The following SURF2 variants were observed in gnomAD, a reference collection of about 807,000 sequenced individuals.
The protein encoded by SURF2 is surfeit locus protein 2.
SURF2 carries 32 observed loss-of-function variants against 26.2 expected under a neutral mutation model. That is an observed-to-expected ratio of 1.22 (90% confidence interval 0.92 to 1.64). The LOEUF is 1.64. Ranked by LOEUF, SURF2 falls within the 40% of genes most tolerant of loss-of-function variation. The pLI is 0.00. For synonymous variants in SURF2, 173 were observed against 139.1 expected (o/e 1.24, Z -1.71); for missense variants, 415 against 341.6 (o/e 1.21, Z -1.69).
chr9:133,360,091 G>A lies in SURF2; in HGVS notation c.479G>A (p.Gly160Glu), dbSNP rs1364910711. The change falls in exon 4 of 6, where the codon GGA (glycine) becomes GAA (glutamate). Residue 160 changes from glycine (G) to glutamate (E), a missense_variant. Gly to Glu is a moderately conservative substitution (Grantham distance 98). Transcript: ENST00000371964. ...GAGCCCACATCCAGTGATGAGGGGG[G>A]AGCTGCAAGTGATGACAGCATGACA... Reference protein sequence around the residue: ...FWEPTSSDEGGAASDDSMTDL... With the variant: ...FWEPTSSDEGEAASDDSMTDL... The A allele has an allele frequency of 2.5e-6, 4 of 1,613,406 alleles. No homozygotes were observed. The highest frequency in any genetic ancestry group is 1.3e-5 in the African/African-American group (1 of 74,920).
intron 3 of SURF2, 39 bp downstream of exon 3, chr9:133,357,853 G>A: frequency 6.3e-7 from 1 of 1,594,270 alleles, no homozygotes; most frequent in Non-Finnish European, 8.6e-7. Context: ...ATCGCCATCT[G>A]AGTGCATGCC....
chr9:133,360,321 G>A lies in SURF2; in HGVS notation c.574G>A (p.Asp192Asn). Residue 192 changes from aspartate to asparagine, a missense_variant, in exon 5 of 6, where the codon GAC (aspartate) becomes AAC (asparagine). By Grantham distance (23) the Asp-to-Asn change is conservative. Coordinates refer to ENST00000371964, the MANE Select transcript of SURF2 (RefSeq NM_017503.5). ...GSTEDGDGTD[D>N]FLTDKEDEKA... ...CACGGAGGATGGGGATGGCACTGAT[G>A]ACTTTTTGACAGACAAAGAGGATGA... 10 of 1,614,156 alleles carry A rather than the reference G, an allele frequency of 6.2e-6. No homozygotes were observed. The highest frequency in any genetic ancestry group is 8.5e-6 in the Non-Finnish European group (10 of 1,180,032).
chr9:133,360,273 T>C lies in SURF2; in HGVS notation c.526T>C (p.Phe176Leu), dbSNP rs2130049649. Reference protein sequence around the residue: ...SMTDLYPPELFTRKDLGSTED... With the variant: ...SMTDLYPPELLTRKDLGSTED... ...CCCTGTGTTCCTCCCAGCTGAGCTA[T>C]TCACCAGAAAGGACCTTGGAAGCAC... Residue 176 changes from phenylalanine to leucine, a missense_variant, in exon 5 of 6, where the codon TTC becomes CTC. Transcript: ENST00000371964. The C allele has an allele frequency of 6.2e-7, 1 of 1,613,822 alleles. No individual in the cohort carries two copies. Among genetic ancestry groups the C allele is most frequent in the East Asian group, 2.2e-5 (1 of 44,860 alleles).
intron 1 of SURF2, 50 bp downstream of exon 1, chr9:133,356,720 ATGAGGGGC>A: frequency 8.7e-7 from 1 of 1,145,458 alleles, no homozygotes; most frequent in Non-Finnish European, 1.2e-6. Context: ...CGCAGTTGGG[ATGAGGGGC>A]TGAGGGGAGG....
chr9:133,356,666 G>A lies in SURF2; in HGVS notation c.74G>A (p.Arg25His), dbSNP rs2130029446. 5.7e-5 allele frequency: 86 copies of A among 1,516,192 alleles called. No homozygotes were observed. Among genetic ancestry groups the A allele is most frequent in the Admixed American group, 2.7e-4 (13 of 48,900 alleles). The allele number at this position is 1,516,192 out of a possible 1,614,324, so 93.9% of individuals were successfully genotyped here. Residue 25 changes from arginine (R) to histidine (H), a missense_variant, in exon 1 of 6, where the codon CGC becomes CAC. Physicochemically the swap from Arg to His is conservative, Grantham distance 29. Coordinates refer to ENST00000371964, the MANE Select transcript of SURF2 (RefSeq NM_017503.5). ...HPSLRLQTDA[R>H]KVRCILTGHE... ...AGCCTGCGGCTCCAGACGGACGCCC[G>A]CAAGGTTCGCAGCGCGGGAGGGGAA...
At chr9:133,361,024 G>A (rs2130056340) in intron 5 of SURF2, 32 bp from the exon 6 acceptor site, 6 of 1,612,122 alleles carry the variant, frequency 3.7e-6, no homozygotes, top group Non-Finnish European at 8.5e-7. Context: ...GATCAGAAAG[G>A]CTCAGTAATC....
intron 3 of SURF2, 108 bp from the exon 4 acceptor site, chr9:133,359,842 C>T (rs1004245269): frequency 2.4e-5 from 31 of 1,313,762 alleles, no homozygotes; most frequent in Middle Eastern, 2.6e-4. Flanking sequence ...TTGTCCAGGG[C>T]GGTGGGGCTG....
In SURF2 at chr9:133,357,076, G is replaced by A; in HGVS notation, c.233+8G>A. 6.4e-7 allele frequency: 1 copy of A among 1,558,352 alleles called. No homozygotes were observed. The highest frequency in any genetic ancestry group is 2.4e-5 in the East Asian group (1 of 42,050). ...GCCCAGCACCAAGAACCCGTAGGTG[G>A]TCCGCGGCGGCGCGGGGAGGCCCAG... On this transcript the variant is annotated splice_region_variant and intron_variant, in intron 2 of 5. Coordinates refer to ENST00000371964, the MANE Select transcript of SURF2 (RefSeq NM_017503.5).
In SURF2 at chr9:133,356,639, C is replaced by G. The variant is rs2130029117; in HGVS notation, c.47C>G (p.Pro16Arg). The change falls in exon 1 of 6, where the codon CCG (proline) becomes CGG (arginine). Residue 16 changes from proline to arginine, a missense_variant. Coordinates refer to ENST00000371964, the MANE Select transcript of SURF2 (RefSeq NM_017503.5). ...GDVRAFLREH[P>R]SLRLQTDARK... ...GTGCGGGCGTTTCTGCGGGAGCACCCGAGCCTGCGGCTCCAGACGGACGCC... is the reference window on the plus strand; with the variant it reads ...GTGCGGGCGTTTCTGCGGGAGCACCGGAGCCTGCGGCTCCAGACGGACGCC... 1.3e-6 allele frequency: 2 copies of G among 1,526,444 alleles called. No individual in the cohort carries two copies. Among genetic ancestry groups the G allele is most frequent in the African/African-American group, 1.4e-5 (1 of 71,372 alleles). The allele number at this position is 1,526,444 out of a possible 1,614,324, so 94.6% of individuals were successfully genotyped here.
Position 133,360,326 on chromosome 9 carries a change from T to C in SURF2, c.579T>C (p.Phe193=), listed in dbSNP as rs2130050027. 2 of 1,614,120 alleles carry C rather than the reference T, an allele frequency of 1.2e-6. No individual in the cohort carries two copies. The highest frequency in any genetic ancestry group is 1.7e-6 in the Non-Finnish European group (2 of 1,180,018). The change falls in exon 5 of 6, where the codon TTT becomes TTC. Residue 193 remains phenylalanine, a synonymous_variant. Transcript: ENST00000371964. ...STEDGDGTDD[F]LTDKEDEKAK... is the part of the protein sequence containing the mutation. ...AGGATGGGGATGGCACTGATGACTT[T>C]TTGACAGACAAAGAGGATGAGAAGG... is the stretch of plus-strand genomic sequence containing the variant.
At chr9:133,357,630 A>G in intron 2 of SURF2, 81 bp from the exon 3 acceptor site, 1 of 1,353,106 alleles carries the variant, frequency 7.4e-7, no homozygotes. Context: ...TAGACTGTCC[A>G]GGGATGAGTC....
At chr9:133,357,880 G>C in intron 3 of SURF2, 66 bp downstream of exon 3, 2 of 1,512,828 alleles carry the variant, frequency 1.3e-6, no homozygotes, top group Non-Finnish European at 9.1e-7. Flanking sequence ...GCCCCAGATG[G>C]AGCGTGCTTG....
chr9:133,357,613 C>A, intron 2 of SURF2, 98 bp from the exon 3 acceptor site: 1 of 1,172,826 alleles, frequency 8.5e-7, no homozygotes, highest in Non-Finnish European at 1.2e-6. Flanking sequence ...ATGTCCAAGC[C>A]GCATGGTAGA....
At chr9:133,356,721 T>G in intron 1 of SURF2, 51 bp downstream of exon 1, 1 of 1,420,248 alleles carries the variant, frequency 7.0e-7, no homozygotes, top group Non-Finnish European at 9.2e-7. Context: ...GCAGTTGGGA[T>G]GAGGGGCTGA....
chr9:133,356,730 GAGGGGAGGGC>G lies in SURF2; in HGVS notation c.78+68_78+77del, dbSNP rs1490301943. 4.1e-6 allele frequency: 6 copies of G among 1,458,928 alleles called. No individual in the cohort carries two copies. In the East Asian group the frequency reaches 1.4e-4, roughly 33 times the overall value. 90.4% of individuals were successfully genotyped at this position (1,458,928 alleles called of 1,614,324 possible). A position where few individuals can be genotyped will look rare whatever the true frequency, so the allele number is the denominator to read the frequency against. ...AAGGGCGCAGTTGGGATGAGGGGCT[GAGGGGAGGGC>G]AGGGGAGAGGAGAGGGCAGGGGAGA... On this transcript the variant is annotated intron_variant, in intron 1 of 5. Coordinates refer to ENST00000371964, the MANE Select transcript of SURF2 (RefSeq NM_017503.5).
intron 3 of SURF2, 86 bp downstream of exon 3, chr9:133,357,900 C>T: frequency 1.5e-6 from 2 of 1,299,208 alleles, no homozygotes; most frequent in Non-Finnish European, 2.2e-6. Context: ...GAAGGCAGGT[C>T]GTCCTTCAGC....
chr9:133,356,749 G>GGA, intron 1 of SURF2, 79 bp downstream of exon 1: 5 of 1,434,616 alleles, frequency 3.5e-6, no homozygotes, highest in Non-Finnish European at 4.6e-6. Flanking sequence ...GCAGGGGAGA[G>GGA]GAGAGGGCAG....
At position 133,361,058 on chromosome 9, in the gene SURF2, G is replaced by A. The variant is rs2130056730; in HGVS notation, c.690G>A (p.Lys230=). ...YRGLVQKRGK[K]QLGSLKKKFK... Reference sequence around the variant, plus strand: ...TCAGAATTTTGTTTATCCCACAGAAGCAGTTGGGCTCGTTGAAAAAGAAGT... The same window carrying A: ...TCAGAATTTTGTTTATCCCACAGAAACAGTTGGGCTCGTTGAAAAAGAAGT... Residue 230 remains lysine (K), a splice_region_variant and synonymous_variant, in exon 6 of 6, where the codon AAG becomes AAA. Coordinates refer to ENST00000371964, the MANE Select transcript of SURF2 (RefSeq NM_017503.5). The A allele has an allele frequency of 1.9e-6, 3 of 1,614,116 alleles. No individual in the cohort carries two copies. In the East Asian group the frequency reaches 6.7e-5, roughly 36 times the overall value.
In SURF2 at chr9:133,359,946, C is replaced by A; in HGVS notation, c.338-4C>A. ...TACCCAGCACGTGCTGGCTTATCTCCCAGATGAAGAATGTCAGAAGCAAGG... is the reference window on the plus strand; with the variant it reads ...TACCCAGCACGTGCTGGCTTATCTCACAGATGAAGAATGTCAGAAGCAAGG... On this transcript the variant is annotated splice_polypyrimidine_tract_variant and splice_region_variant and intron_variant, in intron 3 of 5. Coordinates refer to ENST00000371964, the MANE Select transcript of SURF2 (RefSeq NM_017503.5). 1 of 1,605,886 alleles carries A rather than the reference C, an allele frequency of 6.2e-7. No homozygotes were observed. The highest frequency in any genetic ancestry group is 1.1e-5 in the South Asian group (1 of 89,772).
Sources: allele counts gnomAD v4.1 joint callset, GRCh38; gene constraint gnomAD v4.1.1; transcripts MANE v1.5; gene names NCBI Gene and HGNC (gene_info 2026-07-23, HGNC 2026-07-21).